Variants in KCNH2 observed in about 807,000 individuals in gnomAD.
The protein encoded by KCNH2 is voltage-gated inwardly rectifying potassium channel KCNH2.
In KCNH2, 35 loss-of-function variants were observed where a neutral mutation model predicts 95.9. The observed-to-expected ratio is 0.37, with a 90% confidence interval of 0.28 to 0.48. The LOEUF (loss-of-function observed/expected upper bound fraction) is 0.48. Ranked by LOEUF, KCNH2 falls within the 20% of genes least tolerant of loss-of-function variation. The pLI is 0.99. For synonymous variants in KCNH2, 786 were observed against 754.7 expected, an observed-to-expected ratio of 1.04 and a Z score of -0.68; for missense variants, 1,274 against 1,702.9, an observed-to-expected ratio of 0.75 and a Z score of 4.43.
In KCNH2 at chr7:150,945,410, G is replaced by A. The variant is rs1800854539; in HGVS notation, c.3435C>T (p.Leu1145=). The part of the protein sequence containing the change: ...RLSLPGQLGA[L]TSQPLHRHGS... ...CGTGTCTGTGCAGGGGCTGGGAGGTGAGGGCCCCCAGCTGGCCCGGTAGGG... is the reference window on the plus strand; with the variant it reads ...CGTGTCTGTGCAGGGGCTGGGAGGTAAGGGCCCCCAGCTGGCCCGGTAGGG... Residue 1145 remains leucine (L), a synonymous_variant, in exon 15 of 15, where the codon CTC becomes CTT. Coordinates refer to ENST00000262186, the MANE Select transcript of KCNH2 (RefSeq NM_000238.4). The surrounding 1 kb of genome is among the most constrained non-coding windows in gnomAD (Gnocchi z 5.6). 3.8e-6 allele frequency: 6 copies of A among 1,583,446 alleles called. No individual in the cohort carries two copies. Among genetic ancestry groups the A allele is most frequent in the Non-Finnish European group, 5.2e-6 (6 of 1,164,930 alleles).
At position 150,950,358 on chromosome 7, in the gene KCNH2, C is replaced by T. The variant is rs1302068958; in HGVS notation, c.2208G>A (p.Leu736=). 6.2e-7 allele frequency: 1 copy of T among 1,612,966 alleles called. No individual in the cohort carries two copies. The highest frequency in any genetic ancestry group is 1.7e-5 in the Admixed American group (1 of 60,010). The change falls in exon 9 of 15, where the codon CTG becomes CTA. Residue 736 remains leucine (L), a synonymous_variant. Transcript: ENST00000262186. ...ADICLHLNRS[L]LQHCKPFRGA... ...CTCGGAAGGGTTTGCAGTGCTGCAGCAGTGAGCGGTTCAGGTGCAGGCAGA... is the reference window on the plus strand; with the variant it reads ...CTCGGAAGGGTTTGCAGTGCTGCAGTAGTGAGCGGTTCAGGTGCAGGCAGA...
intron 5 of KCNH2, among the ~76,000 whole-genome samples, chr7:150,953,620 TCAGA>T (rs1461389484): frequency 6.6e-6 from 1 of 152,160 alleles, no homozygotes; most frequent in Non-Finnish European, 1.5e-5. Flanking sequence ...TCCACAGTCA[TCAGA>T]CAGAGGCAGG....
At position 150,958,197 on chromosome 7, in the gene KCNH2, C is replaced by G. The variant is rs1220897906; in HGVS notation, c.778G>C (p.Ala260Pro). 3.7e-6 allele frequency: 5 copies of G among 1,363,138 alleles called. No homozygotes were observed. Among genetic ancestry groups the G allele is most frequent in the Non-Finnish European group, 2.8e-6 (3 of 1,060,396 alleles). The allele number at this position is 1,363,138 out of a possible 1,614,324, so 84.4% of individuals were successfully genotyped here. A position where few individuals can be genotyped will look rare whatever the true frequency, so the allele number is the denominator to read the frequency against. The change falls in exon 4 of 15, where the codon GCC becomes CCC. Residue 260 changes from alanine (A) to proline (P), a missense_variant. Transcript: ENST00000262186. ...SPRAHSLNPD[A>P]SGSSCSLART... is the part of the protein sequence containing the mutation. Reference sequence around the variant, plus strand: ...GCCAGGCTGCAGCTGGAGCCCGAGGCGTCGGGGTTGAGGCTGTGCGCCCGG... The same window carrying G: ...GCCAGGCTGCAGCTGGAGCCCGAGGGGTCGGGGTTGAGGCTGTGCGCCCGG...
Position 150,974,930 on chromosome 7 carries a change from T to G in KCNH2, c.88A>C (p.Ile30Leu). 2 of 1,605,330 alleles carry G rather than the reference T, an allele frequency of 1.2e-6. No homozygotes were observed. Among genetic ancestry groups the G allele is most frequent in the Admixed American group, 1.7e-5 (1 of 59,624 alleles). ...TTCTCCACCCGAGCGTTGGCGATGA[T>G]GAACTTACGGCCTAGGGGGGCGGGG... ...RKFEGQSRKF[I>L]IANARVENCA... The change falls in exon 2 of 15, where the codon ATC becomes CTC. Residue 30 changes from isoleucine to leucine, a missense_variant. Ile to Leu is a conservative substitution (Grantham distance 5, BLOSUM62 2). Coordinates refer to ENST00000262186, the MANE Select transcript of KCNH2 (RefSeq NM_000238.4).
Position 150,977,935 on chromosome 7 carries a change from G to A in KCNH2, c.-22C>T, listed in dbSNP as rs755017961. On this transcript the variant is annotated 5_prime_UTR_variant, in exon 1 of 15. Coordinates refer to ENST00000262186, the MANE Select transcript of KCNH2 (RefSeq NM_000238.4). Reference sequence around the variant, plus strand: ...GCATCCTGAGCCCATGGGCGGGCCGGGCGGGCCCCCACCCACCCCGGCCCG... The same window carrying A: ...GCATCCTGAGCCCATGGGCGGGCCGAGCGGGCCCCCACCCACCCCGGCCCG... 18 of 1,572,478 alleles carry A rather than the reference G, an allele frequency of 1.1e-5. No homozygotes were observed. Among genetic ancestry groups the A allele is most frequent in the Non-Finnish European group, 1.6e-5 (18 of 1,160,480 alleles).
In KCNH2 at chr7:150,962,226, A is replaced by G. The variant is rs1584870506; in HGVS notation, c.308-2490T>C. On this transcript the variant is annotated intron_variant, in intron 2 of 14. Coordinates refer to ENST00000262186, the MANE Select transcript of KCNH2 (RefSeq NM_000238.4). This position sits in a 1 kb window ranked among gnomAD's most constrained non-coding sequence, Gnocchi z 5.7. Reference sequence around the variant, plus strand: ...AGCGGCCTGAACAGGGATGCGCCTCACCAGGACTGAGGAGAGGCTGGAGAC... The same window carrying G: ...AGCGGCCTGAACAGGGATGCGCCTCGCCAGGACTGAGGAGAGGCTGGAGAC... Among the ~76,000 whole-genome samples, 1 of 152,192 alleles carries G rather than the reference A, an allele frequency of 6.6e-6. No homozygotes were observed. Among genetic ancestry groups the G allele is most frequent in the South Asian group, 2.1e-4 (1 of 4,826 alleles).
At chr7:150,977,736 C>T in intron 1 of KCNH2, 102 bp downstream of exon 1, 2 of 1,027,746 alleles carry the variant, frequency 1.9e-6, no homozygotes, top group Non-Finnish European at 1.4e-6. Context: ...TTGACTCGCA[C>T]TTGCCGACGC....
At position 150,958,454 on chromosome 7, in the gene KCNH2, G is replaced by T; in HGVS notation, c.521C>A (p.Thr174Lys). The change falls in exon 4 of 15, where the codon ACG (threonine) becomes AAG (lysine). Residue 174 changes from threonine to lysine, a missense_variant. Coordinates refer to ENST00000262186, the MANE Select transcript of KCNH2 (RefSeq NM_000238.4). ...CGACCGCACCGACGACTCCCGGGCC[G>T]TCAGCGCCAGCAGCGCGGGCAGCTT... The part of the protein sequence containing the change: ...RLKLPALLAL[T>K]ARESSVRSGG... 1.4e-6 allele frequency: 2 copies of T among 1,465,892 alleles called. No homozygotes were observed. Among genetic ancestry groups the T allele is most frequent in the Non-Finnish European group, 1.8e-6 (2 of 1,115,192 alleles). The allele number at this position is 1,465,892 out of a possible 1,614,324, so 90.8% of individuals were successfully genotyped here.
In KCNH2 at chr7:150,951,226, G is replaced by A. The variant is rs1231576828; in HGVS notation, c.1946-106C>T. 2.1e-5 allele frequency: 23 copies of A among 1,093,498 alleles called. 1 individual carries two copies. The highest frequency in any genetic ancestry group is 7.8e-5 in the African/African-American group (5 of 64,174). The allele number at this position is 1,093,498 out of a possible 1,614,324, so 67.7% of individuals were successfully genotyped here. ...AGGTCAGTGTCTCAGTCTCAGCGTCGACATGCCCACGAGACGCCCTTGTAC... is the reference window on the plus strand; with the variant it reads ...AGGTCAGTGTCTCAGTCTCAGCGTCAACATGCCCACGAGACGCCCTTGTAC... On this transcript the variant is annotated intron_variant, in intron 7 of 14. Coordinates refer to ENST00000262186, the MANE Select transcript of KCNH2 (RefSeq NM_000238.4).
In KCNH2 at chr7:150,947,352, T is replaced by G; in HGVS notation, c.3128A>C (p.Asp1043Ala). The G allele has an allele frequency of 1.3e-6, 2 of 1,544,592 alleles. No individual in the cohort carries two copies. The highest frequency in any genetic ancestry group is 1.7e-6 in the Non-Finnish European group (2 of 1,146,816). The stretch of plus-strand genomic sequence containing the variant: ...CCTGTTGAGCTGGCGCTGGAGGGCA[T>G]CCAGCCTGCTCTCCACGTCGCCCCG... Reference protein sequence around the residue: ...RPRGDVESRLDALQRQLNRLE... With the variant: ...RPRGDVESRLAALQRQLNRLE... The change falls in exon 13 of 15, where the codon GAT (aspartate) becomes GCT (alanine). Residue 1043 changes from aspartate (D) to alanine (A), a missense_variant. Physicochemically the swap from Asp to Ala is moderately radical, Grantham distance 126 (BLOSUM62 -2). Transcript: ENST00000262186.
Position 150,945,489 on chromosome 7 carries a change from T to A in KCNH2, c.3356A>T (p.Glu1119Val), listed in dbSNP as rs1322069275. ...AAGCTCTGGGGCCCCCGGGGGCAGC[T>A]CCTCACACGCCATGAACTGGGAAAC... ...SQVSQFMACE[E>V]LPPGAPELPQ... is the part of the protein sequence containing the mutation. The change falls in exon 15 of 15, where the codon GAG (glutamate) becomes GTG (valine). Residue 1119 changes from glutamate to valine, a missense_variant. By Grantham distance (121) the Glu-to-Val change is moderately radical. Transcript: ENST00000262186. This position sits in a 1 kb window ranked among gnomAD's most constrained non-coding sequence, Gnocchi z 5.6. 3.2e-6 allele frequency: 5 copies of A among 1,556,034 alleles called. No individual in the cohort carries two copies. Among genetic ancestry groups the A allele is most frequent in the Non-Finnish European group, 4.3e-6 (5 of 1,150,762 alleles).
intron 2 of KCNH2, among the ~76,000 whole-genome samples, chr7:150,969,736 G>T (rs1169682264): frequency 1.3e-5 from 2 of 152,222 alleles, no homozygotes; most frequent in Non-Finnish European, 2.9e-5. Context: ...TGGAGCTCAA[G>T]GCCTGGTGGC....
chr7:150,964,449 G>A (rs185164634), intron 2 of KCNH2, among the ~76,000 whole-genome samples: 71 of 152,274 alleles, frequency 4.7e-4, no homozygotes, highest in Admixed American at 3.7e-3. Context: ...CCAGGGAGCC[G>A]AGCCACTCTA....
chr7:150,968,637 A>G (rs549199845), intron 2 of KCNH2, among the ~76,000 whole-genome samples: 1 of 152,330 alleles, frequency 6.6e-6, no homozygotes, highest in South Asian at 2.1e-4. Flanking sequence ...ATGAGACTGG[A>G]GAGTGAGATA....
At chr7:150,965,621 G>A (rs893542210) in intron 2 of KCNH2, among the ~76,000 whole-genome samples, 3 of 152,012 alleles carry the variant, frequency 2.0e-5, no homozygotes, top group Non-Finnish European at 4.4e-5. Flanking sequence ...AGCCTTCTAG[G>A]ACCCCCTCTA....
rs566952379 is a variant in KCNH2, at chr7:150,963,784, C to G, written c.308-4048G>C. On this transcript the variant is annotated intron_variant, in intron 2 of 14. Transcript: ENST00000262186. ...CCCCCGTGCCTTTGGGCCCAATGGC[C>G]TGGGTGAGGCAGGCAGGCTGGCCAC... Among the ~76,000 whole-genome samples the G allele has an allele frequency of 2.6e-5, 4 of 152,318 alleles. No individual in the cohort carries two copies. In the South Asian group the frequency reaches 8.3e-4, roughly 32 times the overall value.
chr7:150,945,188 T>C lies in KCNH2; in HGVS notation c.*177A>G. 1.4e-6 allele frequency: 1 copy of C among 707,892 alleles called. No homozygotes were observed. The highest frequency in any genetic ancestry group is 2.3e-6 in the Non-Finnish European group (1 of 437,878). 43.9% of individuals were successfully genotyped at this position (707,892 alleles called of 1,614,324 possible). A position where few individuals can be genotyped will look rare whatever the true frequency, so the allele number is the denominator to read the frequency against. On this transcript the variant is annotated 3_prime_UTR_variant, in exon 15 of 15. Transcript: ENST00000262186. This position sits in a 1 kb window ranked among gnomAD's most constrained non-coding sequence, Gnocchi z 5.6. Reference sequence around the variant, plus strand: ...ACTGCCGGCCCTGCCCCTGCCCCTCTCACTGGGGCCCAGGGGACTGCAGGA... The same window carrying C: ...ACTGCCGGCCCTGCCCCTGCCCCTCCCACTGGGGCCCAGGGGACTGCAGGA...
rs1584852174 is a variant in KCNH2 at position 150,951,021 on chromosome 7, TC to T, written c.2044del (p.Glu682SerfsTer32). The T allele has an allele frequency of 6.2e-7, 1 of 1,614,156 alleles. No homozygotes were observed. The highest frequency in any genetic ancestry group is 8.5e-7 in the Non-Finnish European group (1 of 1,180,026). On this transcript the variant is annotated frameshift_variant, in exon 8 of 15. Coordinates refer to ENST00000262186, the MANE Select transcript of KCNH2 (RefSeq NM_000238.4). LOFTEE classifies it high-confidence loss of function. The stretch of plus-strand genomic sequence containing the variant: ...GGGGATCTGGTGGAAGCGGATGAAC[TC>T]CCGCACCCGCAGCATCTGTGTGTGG... Reference protein sequence around the residue: ...RYHTQMLRVREFIRFHQIPNP... With the variant: ...RYHTQMLRVRXFIRFHQIPNP...
chr7:150,964,787 C>T (rs532536054), intron 2 of KCNH2, among the ~76,000 whole-genome samples: 69 of 152,260 alleles, frequency 4.5e-4, no homozygotes, highest in African/African-American at 1.5e-3. Flanking sequence ...TCGGCCTGTC[C>T]GCCCCCAGGC....
Sources: allele counts gnomAD v4.1 joint callset (sites outside exome capture counted in the v4.1 genomes callset), GRCh38; gene constraint gnomAD v4.1.1; non-coding constraint Gnocchi (gnomAD v3.1); transcripts MANE v1.5; gene names NCBI Gene and HGNC (gene_info 2026-07-23, HGNC 2026-07-21).